Variants in BMERB1 observed in about 807,000 individuals in gnomAD.
BMERB1 encodes bMERB domain-containing protein 1.
A neutral mutation model predicts 23.6 loss-of-function variants in BMERB1; 12 were observed. The observed-to-expected ratio is 0.51, with a 90% confidence interval of 0.33 to 0.82. The LOEUF is 0.82. BMERB1 is among the 40% of genes least tolerant of loss of function. The pLI, the probability that BMERB1 is intolerant of heterozygous loss-of-function variation, is 0.03. For missense variants in BMERB1, 247 were observed against 255.4 expected, an observed-to-expected ratio of 0.97 and a Z score of 0.22; for synonymous variants, 122 against 96.6, an observed-to-expected ratio of 1.26 and a Z score of -1.54.
chr16:15,517,295 G>A (rs953955127), intron 2 of BMERB1, among the ~76,000 whole-genome samples: 1 of 152,120 alleles, frequency 6.6e-6, no homozygotes, highest in Non-Finnish European at 1.5e-5. Flanking sequence ...GATCACTTGA[G>A]GCCAGGAGTT....
chr16:15,442,477 A>G (rs956721692), intron 1 of BMERB1, among the ~76,000 whole-genome samples: 9 of 152,224 alleles, frequency 5.9e-5, no homozygotes, highest in East Asian at 1.9e-4. Context: ...AACAAGCCCA[A>G]TTATTTACAC....
At chr16:15,504,678 C>G (rs2051566241) in intron 1 of BMERB1, among the ~76,000 whole-genome samples, 1 of 151,974 alleles carries the variant, frequency 6.6e-6, no homozygotes, top group South Asian at 2.1e-4. Flanking sequence ...GTCTTAAACT[C>G]ATGGCTTCAA....
chr16:15,455,072 A>C (rs896342692), intron 1 of BMERB1, among the ~76,000 whole-genome samples: 3 of 152,086 alleles, frequency 2.0e-5, no homozygotes, highest in Non-Finnish European at 4.4e-5. Flanking sequence ...GTGGTGGCTC[A>C]TGCCTGTAAT....
intron 2 of BMERB1, among the ~76,000 whole-genome samples, chr16:15,527,037 A>G (rs2051915840): frequency 6.6e-6 from 1 of 151,046 alleles, no homozygotes; most frequent in Admixed American, 6.6e-5. Flanking sequence ...GCACACTTAT[A>G]TGTAGTTTGC....
chr16:15,560,171 C>A (rs1048608812), intron 2 of BMERB1, among the ~76,000 whole-genome samples: 1 of 152,158 alleles, frequency 6.6e-6, no homozygotes, highest in African/African-American at 2.4e-5. Flanking sequence ...TGAATCCCGT[C>A]AGCAGTTCTG....
chr16:15,558,014 A>T (rs2030312452), intron 2 of BMERB1, among the ~76,000 whole-genome samples: 1 of 152,048 alleles, frequency 6.6e-6, no homozygotes, highest in East Asian at 1.9e-4. Flanking sequence ...ACTGCACTCC[A>T]GCCTGGGCAA....
intron 1 of BMERB1, among the ~76,000 whole-genome samples, chr16:15,478,815 T>C (rs1242347668): frequency 6.6e-6 from 1 of 152,218 alleles, no homozygotes; most frequent in African/African-American, 2.4e-5. Flanking sequence ...ATGTTCTTGA[T>C]GAAGCAGTGA....
intron 1 of BMERB1, among the ~76,000 whole-genome samples, chr16:15,499,545 C>G (rs2051506930): frequency 6.6e-6 from 1 of 152,156 alleles, no homozygotes; most frequent in Admixed American, 6.5e-5. Context: ...GAAAGAAATT[C>G]CTACAATCAG....
intron 1 of BMERB1, among the ~76,000 whole-genome samples, chr16:15,451,559 T>C (rs891331609): frequency 1.4e-5 from 2 of 138,010 alleles, no homozygotes; most frequent in South Asian, 4.9e-4. Flanking sequence ...TTTCTTTTTT[T>C]TTTTTTTTTT....
intron 2 of BMERB1, among the ~76,000 whole-genome samples, chr16:15,528,709 C>G (rs991168938): frequency 2.6e-5 from 4 of 152,044 alleles, no homozygotes; most frequent in African/African-American, 9.7e-5. Context: ...TCCCACCCCC[C>G]TCTCCTTCCC....
chr16:15,529,260 T>A (rs1377743867), intron 2 of BMERB1, among the ~76,000 whole-genome samples: 1 of 152,028 alleles, frequency 6.6e-6, no homozygotes, highest in Non-Finnish European at 1.5e-5. Context: ...TCTCCTGACC[T>A]CGTGATCCGC....
chr16:15,473,750 AT>A (rs1366564578), intron 1 of BMERB1, among the ~76,000 whole-genome samples: 1 of 152,128 alleles, frequency 6.6e-6, no homozygotes, highest in African/African-American at 2.4e-5. Context: ...CTTGAAAAAT[AT>A]TGAGTCACTT....
intron 1 of BMERB1, among the ~76,000 whole-genome samples, chr16:15,460,218 CA>C (rs1385050105): frequency 6.6e-6 from 1 of 152,096 alleles, no homozygotes; most frequent in Admixed American, 6.6e-5. Flanking sequence ...GGGTGAGATT[CA>C]AATTAGAGAA....
intron 1 of BMERB1, among the ~76,000 whole-genome samples, chr16:15,512,878 CAA>C (rs34739697): frequency 3.1e-5 from 4 of 130,872 alleles, no homozygotes; most frequent in Admixed American, 7.7e-5. Flanking sequence ...TACTCCGTCT[CAA>C]AAAAAAAAAA....
chr16:15,448,676 C>A (rs369078937), intron 1 of BMERB1, among the ~76,000 whole-genome samples: 1 of 152,112 alleles, frequency 6.6e-6, no homozygotes, highest in Non-Finnish European at 1.5e-5. Context: ...CCTGTAATTC[C>A]AGCTACTCAG....
chr16:15,529,443 G>T (rs956958999), intron 2 of BMERB1, among the ~76,000 whole-genome samples: 3 of 152,144 alleles, frequency 2.0e-5, no homozygotes, highest in Non-Finnish European at 4.4e-5. Context: ...TTTCTGGAGG[G>T]ACACCTTCCC....
At chr16:15,580,522 A>G (rs935718661) in intron 3 of BMERB1, among the ~76,000 whole-genome samples, 11 of 150,924 alleles carry the variant, frequency 7.3e-5, no homozygotes, top group Non-Finnish European at 1.3e-4. Flanking sequence ...CAGGTCTCCA[A>G]TCAATCCTGG....
rs1455710305 is a variant in BMERB1 at position 15,434,788 on chromosome 16, C to CG, written c.106+33dup. ...AGTACTGGGGCGGGGGGCGGGGGGC[C>CG]GGGGACAGCTGGGGATCCATGCGCC... On this transcript the variant is annotated intron_variant, in intron 1 of 5. Coordinates refer to ENST00000300006, the MANE Select transcript of BMERB1 (RefSeq NM_033201.3). 7.1e-6 allele frequency: 6 copies of CG among 841,502 alleles called. No homozygotes were observed. The Admixed American group carries it at 2.3e-4, about 32-fold the overall frequency. The allele number at this position is 841,502 out of a possible 1,614,324, so 52.1% of individuals were successfully genotyped here.
chr16:15,536,134 T>A (rs1199718305), intron 2 of BMERB1, among the ~76,000 whole-genome samples: 1 of 151,950 alleles, frequency 6.6e-6, no homozygotes, highest in African/African-American at 2.4e-5. Flanking sequence ...GTGCGGGAGA[T>A]TTGGGAAGTG....
Sources: allele counts gnomAD v4.1 joint callset (sites outside exome capture counted in the v4.1 genomes callset), GRCh38; gene constraint gnomAD v4.1.1; transcripts MANE v1.5; gene names NCBI Gene and HGNC (gene_info 2026-07-23, HGNC 2026-07-21).